The following MACROD2 variants were observed in gnomAD, a reference collection of about 807,000 sequenced individuals.
MACROD2 encodes the protein ADP-ribose glycohydrolase MACROD2.
A neutral mutation model predicts 70.4 loss-of-function variants in MACROD2; 36 were observed. The ratio of observed to expected loss-of-function variants is 0.51; its 90% CI spans 0.39 to 0.68. The LOEUF (loss-of-function observed/expected upper bound fraction) is 0.68. Ranked by LOEUF, MACROD2 falls within the 30% of genes least tolerant of loss-of-function variation. The pLI is 0.00. For missense variants in MACROD2, 496 were observed against 538.4 expected (o/e 0.92, Z 0.78); for synonymous variants, 172 against 178.8 (o/e 0.96, Z 0.30).
Position 15,740,934 on chromosome 20 carries a change from C to T in MACROD2, c.646-121811C>T, listed in dbSNP as rs138975643. 3.3e-5 allele frequency among the ~76,000 whole-genome samples: 5 copies of T among 152,118 alleles called. No individual in the cohort carries two copies. In the East Asian group the frequency reaches 9.7e-4, roughly 29 times the overall value. ...ACAACACCTGTGCCATCTCTTTCCT[C>T]CCAGTCTCCTTTCAACCCAGTAGTG... On this transcript the variant is annotated intron_variant, in intron 8 of 17. Transcript: ENST00000684519.
intron 6 of MACROD2, among the ~76,000 whole-genome samples, chr20:15,421,762 A>C (rs1227159588): frequency 6.6e-6 from 1 of 152,184 alleles, no homozygotes; most frequent in Non-Finnish European, 1.5e-5. Flanking sequence ...AAACAAAGCA[A>C]AGGTCTTCCT....
At chr20:15,675,445 T>C (rs6034256) in intron 8 of MACROD2, among the ~76,000 whole-genome samples, 1 of 152,222 alleles carries the variant, frequency 6.6e-6, no homozygotes, top group South Asian at 2.1e-4. Context: ...ATTAATCTAC[T>C]TTTATCTGTG....
chr20:14,759,196 A>G (rs114870658), intron 5 of MACROD2, among the ~76,000 whole-genome samples: 1,993 of 152,264 alleles, frequency 0.013, 48 homozygotes, highest in African/African-American at 0.046. Context: ...ATATGCCATT[A>G]GACGTATCAA....
intron 2 of MACROD2, among the ~76,000 whole-genome samples, chr20:14,082,202 G>A (rs1260172327): frequency 7.0e-5 from 5 of 71,454 alleles, no homozygotes; most frequent in African/African-American, 2.8e-4. Context: ...TTTTTGAGAT[G>A]TAGTCTCCAT....
chr20:15,231,177 CT>C (rs1296952954), intron 6 of MACROD2, among the ~76,000 whole-genome samples: 1 of 151,912 alleles, frequency 6.6e-6, no homozygotes, highest in Non-Finnish European at 1.5e-5. Flanking sequence ...TTATATAGCC[CT>C]TTTTAATCTT....
chr20:15,948,414 GAAAAA>G (rs1367652578), intron 12 of MACROD2, among the ~76,000 whole-genome samples: 2 of 90,738 alleles, frequency 2.2e-5, no homozygotes, highest in Non-Finnish European at 4.6e-5. Flanking sequence ...AAAAAAAAAG[GAAAAA>G]GAAAAGAAAA....
chr20:14,803,006 G>A (rs530748007), intron 5 of MACROD2, among the ~76,000 whole-genome samples: 2 of 152,112 alleles, frequency 1.3e-5, no homozygotes, highest in South Asian at 4.1e-4. Context: ...ACCCTGAGTT[G>A]AAATGAATTT....
intron 8 of MACROD2, among the ~76,000 whole-genome samples, chr20:15,555,088 G>A (rs1408782563): frequency 3.3e-5 from 5 of 152,158 alleles, no homozygotes. Flanking sequence ...GTGTAAAGGG[G>A]TATGAGTGTG....
intron 5 of MACROD2, among the ~76,000 whole-genome samples, chr20:14,928,911 C>G (rs1174761009): frequency 6.6e-6 from 1 of 152,116 alleles, no homozygotes; most frequent in East Asian, 1.9e-4. Context: ...ACTAGCGTTC[C>G]TTTAGCTGCA....
chr20:15,360,087 T>C (rs1177906663), intron 6 of MACROD2, among the ~76,000 whole-genome samples: 1 of 152,232 alleles, frequency 6.6e-6, no homozygotes, highest in Non-Finnish European at 1.5e-5. Context: ...GAATGTTATA[T>C]ATAAATGGAA....
At chr20:14,550,289 C>G (rs1422837735) in intron 4 of MACROD2, among the ~76,000 whole-genome samples, 1 of 152,058 alleles carries the variant, frequency 6.6e-6, no homozygotes, top group East Asian at 1.9e-4. Flanking sequence ...GCCTTCCTTT[C>G]CCTGTCCCTT....
intron 8 of MACROD2, among the ~76,000 whole-genome samples, chr20:15,612,592 G>GT (rs2048984772): frequency 6.6e-6 from 1 of 152,174 alleles, no homozygotes; most frequent in African/African-American, 2.4e-5. Flanking sequence ...CACGTTCTGC[G>GT]GAAGAAATGC....
intron 6 of MACROD2, among the ~76,000 whole-genome samples, chr20:15,420,796 G>T (rs569051120): frequency 4.6e-5 from 7 of 152,226 alleles, no homozygotes; most frequent in African/African-American, 1.7e-4. Context: ...CTAGAGTGTT[G>T]GTTGTAACGC....
At chr20:14,619,644 G>C (rs1000056661) in intron 4 of MACROD2, among the ~76,000 whole-genome samples, 2 of 152,014 alleles carry the variant, frequency 1.3e-5, no homozygotes, top group East Asian at 1.9e-4. Context: ...TCACCCATTT[G>C]TATTCCCTAT....
intron 4 of MACROD2, among the ~76,000 whole-genome samples, chr20:14,676,419 A>G (rs1049413314): frequency 6.6e-6 from 1 of 152,226 alleles, no homozygotes; most frequent in Non-Finnish European, 1.5e-5. Flanking sequence ...AACTCACTCA[A>G]AACCGCACAA....
chr20:15,115,291 A>G (rs2075984034), intron 5 of MACROD2, among the ~76,000 whole-genome samples: 1 of 151,928 alleles, frequency 6.6e-6, no homozygotes, highest in African/African-American at 2.4e-5. Flanking sequence ...GTGCAGTGGC[A>G]CTATCTTGGC....
At chr20:15,826,031 C>T (rs1478535725) in intron 8 of MACROD2, among the ~76,000 whole-genome samples, 1 of 152,162 alleles carries the variant, frequency 6.6e-6, no homozygotes, top group Non-Finnish European at 1.5e-5. Context: ...CAACCTATTC[C>T]AGTGGAAACA....
intron 3 of MACROD2, among the ~76,000 whole-genome samples, chr20:14,194,950 T>C (rs6042579): frequency 0.012 from 1,756 of 152,270 alleles, 32 homozygotes; most frequent in African/African-American, 0.04. Context: ...TCAACACTTG[T>C]GTAATGAGAA....
At chr20:15,255,401 C>T (rs2077191036) in intron 6 of MACROD2, among the ~76,000 whole-genome samples, 1 of 152,136 alleles carries the variant, frequency 6.6e-6, no homozygotes, top group South Asian at 2.1e-4. Flanking sequence ...CCTGAAAACT[C>T]TGTTGACGAA....
Sources: allele counts gnomAD v4.1 joint callset (sites outside exome capture counted in the v4.1 genomes callset), GRCh38; gene constraint gnomAD v4.1.1; transcripts MANE v1.5; gene names NCBI Gene and HGNC (gene_info 2026-07-23, HGNC 2026-07-21).